KCNAB1: variants seen among roughly 807,000 people sequenced by gnomAD.
KCNAB1 encodes potassium voltage-gated channel subfamily A regulatory beta subunit 1, also known as voltage-gated potassium channel subunit beta-1.
A neutral mutation model predicts 64.6 loss-of-function variants in KCNAB1; 35 were observed. The ratio of observed to expected loss-of-function variants is 0.54; its 90% CI spans 0.41 to 0.72. The LOEUF (loss-of-function observed/expected upper bound fraction) is 0.72, where lower values mean the gene tolerates loss of function less well. Ranked by LOEUF, KCNAB1 falls within the 30% of genes least tolerant of loss-of-function variation. The probability of loss-of-function intolerance (pLI) is 0.00; values close to 1 mark genes in which losing one functional copy is unlikely to be tolerated. For synonymous variants in KCNAB1, 177 were observed against 183.8 expected, an observed-to-expected ratio of 0.96 and a Z score of 0.30; for missense variants, 401 against 512.9, an observed-to-expected ratio of 0.78 and a Z score of 2.11.
chr3:156,246,852 A>C (rs1717486722), intron 1 of KCNAB1, among the ~76,000 whole-genome samples: 1 of 152,202 alleles, frequency 6.6e-6, no homozygotes, highest in Non-Finnish European at 1.5e-5. Context: ...GAGTGTTTAT[A>C]AACAAGGGAT....
intron 1 of KCNAB1, among the ~76,000 whole-genome samples, chr3:156,336,301 G>A (rs1233691545): frequency 6.6e-6 from 1 of 152,208 alleles, no homozygotes; most frequent in Admixed American, 6.5e-5. Context: ...GGCGGAGGTT[G>A]CAGTGAGCTG....
At chr3:156,248,916 A>G (rs988509542) in intron 1 of KCNAB1, among the ~76,000 whole-genome samples, 4 of 152,120 alleles carry the variant, frequency 2.6e-5, no homozygotes, top group Non-Finnish European at 4.4e-5. Flanking sequence ...CTGGACTAGG[A>G]GTCCATGTGC....
chr3:156,271,950 T>C (rs556177526), intron 1 of KCNAB1, among the ~76,000 whole-genome samples: 1 of 152,376 alleles, frequency 6.6e-6, no homozygotes, highest in South Asian at 2.1e-4. Flanking sequence ...GTAGTTCTTA[T>C]AGACTTGTAG....
chr3:156,398,358 C>T (rs149994958), intron 1 of KCNAB1, among the ~76,000 whole-genome samples: 2,286 of 152,096 alleles, frequency 0.015, 57 homozygotes, highest in African/African-American at 0.053. Flanking sequence ...TTTGGGAGGC[C>T]GAGGCGGGTG....
intron 2 of KCNAB1, among the ~76,000 whole-genome samples, chr3:156,435,400 G>C (rs560496378): frequency 6.6e-6 from 1 of 152,166 alleles, no homozygotes; most frequent in African/African-American, 2.4e-5. Context: ...TGAGGGACTA[G>C]AGACAAAGAA....
At chr3:156,463,864 T>C (rs28483959) in intron 6 of KCNAB1, 118 bp downstream of exon 6, 3 of 580,944 alleles carry the variant, frequency 5.2e-6, no homozygotes, top group East Asian at 7.1e-5. Flanking sequence ...GGGTTTTTTG[T>C]TTTTTTTTTG....
intron 6 of KCNAB1, 123 bp downstream of exon 6, chr3:156,463,869 T>C: frequency 1.5e-6 from 1 of 670,672 alleles, no homozygotes; most frequent in Non-Finnish European, 2.4e-6. Flanking sequence ...TTTTGTTTTT[T>C]TTTTGTTTTT....
At chr3:156,273,274 A>G (rs1307181538) in intron 1 of KCNAB1, among the ~76,000 whole-genome samples, 1 of 152,228 alleles carries the variant, frequency 6.6e-6, no homozygotes, top group African/African-American at 2.4e-5. Flanking sequence ...TGAGCACAGC[A>G]TAGCATTCAG....
At chr3:156,405,443 G>A (rs1714186629) in intron 1 of KCNAB1, among the ~76,000 whole-genome samples, 1 of 152,174 alleles carries the variant, frequency 6.6e-6, no homozygotes. Context: ...CATTTGTGTA[G>A]TTGACCTTAG....
intron 1 of KCNAB1, among the ~76,000 whole-genome samples, chr3:156,211,662 C>T (rs4505650): frequency 0.56 from 84,961 of 152,088 alleles, 24,579 homozygotes; most frequent in East Asian, 0.9. Context: ...GATTCAGTAA[C>T]GGAAAACTCA....
At chr3:156,185,768 C>G (rs1209403190) in intron 1 of KCNAB1, among the ~76,000 whole-genome samples, 1 of 152,104 alleles carries the variant, frequency 6.6e-6, no homozygotes, top group African/African-American at 2.4e-5. Flanking sequence ...GGGAGGACAC[C>G]TTTCAGATGG....
intron 1 of KCNAB1, among the ~76,000 whole-genome samples, chr3:156,373,060 A>G (rs567062054): frequency 1.7e-4 from 26 of 152,272 alleles, no homozygotes; most frequent in Non-Finnish European, 3.2e-4. Context: ...AAACGGCATT[A>G]TAAAATTATG....
At chr3:156,277,128 G>A (rs1370826906) in intron 1 of KCNAB1, among the ~76,000 whole-genome samples, 1 of 152,114 alleles carries the variant, frequency 6.6e-6, no homozygotes, top group Non-Finnish European at 1.5e-5. Flanking sequence ...GAATAGAAAG[G>A]CCCAAGGAAA....
intron 8 of KCNAB1, among the ~76,000 whole-genome samples, chr3:156,485,316 C>T (rs116254779): frequency 0.011 from 1,639 of 152,210 alleles, 22 homozygotes; most frequent in African/African-American, 0.037. Flanking sequence ...ACACCCAATA[C>T]TCTTCACCTA....
intron 1 of KCNAB1, among the ~76,000 whole-genome samples, chr3:156,335,673 A>G (rs1262457976): frequency 2.6e-5 from 4 of 151,966 alleles, no homozygotes; most frequent in Non-Finnish European, 5.9e-5. Context: ...ACACTGAGAT[A>G]CCTCAAGAAA....
intron 1 of KCNAB1, among the ~76,000 whole-genome samples, chr3:156,279,381 G>C (rs1374808170): frequency 2.0e-5 from 3 of 152,078 alleles, no homozygotes; most frequent in Non-Finnish European, 2.9e-5. Flanking sequence ...GGACATTTGG[G>C]TTGGTTCCAA....
At chr3:156,170,353 C>T (rs1401132428) in intron 1 of KCNAB1, among the ~76,000 whole-genome samples, 2 of 151,578 alleles carry the variant, frequency 1.3e-5, no homozygotes, top group African/African-American at 4.8e-5. Flanking sequence ...GTGGTTGATA[C>T]CTACAATTTC....
At chr3:156,485,587 A>AT (rs1236298050) in intron 8 of KCNAB1, among the ~76,000 whole-genome samples, 3 of 151,576 alleles carry the variant, frequency 2.0e-5, no homozygotes, top group Admixed American at 6.6e-5. Flanking sequence ...TGACTGTTAA[A>AT]TTTTTTTATT....
chr3:156,307,076 T>G (rs1721538346), intron 1 of KCNAB1, among the ~76,000 whole-genome samples: 1 of 152,200 alleles, frequency 6.6e-6, no homozygotes, highest in African/African-American at 2.4e-5. Flanking sequence ...TAGAAAAATA[T>G]TAACATGTCA....
Sources: allele counts gnomAD v4.1 joint callset (sites outside exome capture counted in the v4.1 genomes callset), GRCh38; gene constraint gnomAD v4.1.1; transcripts MANE v1.5; gene names NCBI Gene and HGNC (gene_info 2026-07-23, HGNC 2026-07-21).